RBFOX1: variants seen among roughly 807,000 people sequenced by gnomAD.
RBFOX1 encodes the protein RNA binding protein fox-1 homolog 1.
A neutral mutation model predicts 57.7 loss-of-function variants in RBFOX1; 8 were observed. That is an observed-to-expected ratio of 0.14 (90% CI 0.08 to 0.25). RBFOX1 has a LOEUF of 0.25. Ranked by LOEUF, RBFOX1 falls within the 10% of genes least tolerant of loss-of-function variation. The pLI, the probability that RBFOX1 is intolerant of heterozygous loss-of-function variation, is 1.00. For synonymous variants in RBFOX1, 326 were observed against 222.4 expected (o/e 1.47, Z -4.15); for missense variants, 611 against 548.5 (o/e 1.11, Z -1.14).
At chr16:7,446,989 T>C (rs1261469308) in intron 4 of RBFOX1, among the ~76,000 whole-genome samples, 2 of 151,552 alleles carry the variant, frequency 1.3e-5, no homozygotes, top group Non-Finnish European at 2.9e-5. Context: ...ATATTTTGTA[T>C]TTTTAGTAGA....
At chr16:7,028,968 C>T (rs1396047223) in intron 3 of RBFOX1, among the ~76,000 whole-genome samples, 1 of 146,910 alleles carries the variant, frequency 6.8e-6, no homozygotes, top group South Asian at 2.2e-4. Context: ...AGCAAGCATG[C>T]TGTTTGGAAG....
chr16:6,565,125 CCAAAAAAAAAA>C (rs1460979718), intron 2 of RBFOX1, among the ~76,000 whole-genome samples: 2 of 62,790 alleles, frequency 3.2e-5, no homozygotes, highest in African/African-American at 9.8e-5. Context: ...GACTCTGTCT[CCAAAAAAAAAA>C]AAAAAAAAGC....
chr16:6,991,507 T>C (rs1439259109), intron 3 of RBFOX1, among the ~76,000 whole-genome samples: 1 of 152,184 alleles, frequency 6.6e-6, no homozygotes, highest in African/African-American at 2.4e-5. Flanking sequence ...GTGATTATTA[T>C]CATCAACCCA....
chr16:6,115,414 A>G (rs1467379920), intron 1 of RBFOX1, among the ~76,000 whole-genome samples: 1 of 135,650 alleles, frequency 7.4e-6, no homozygotes, highest in African/African-American at 3.4e-5. Flanking sequence ...ATTTTATAAA[A>G]TAAAGTGAAT....
chr16:5,950,665 C>G (rs1426690545), intron 4 of RBFOX1, among the ~76,000 whole-genome samples: 1 of 152,228 alleles, frequency 6.6e-6, no homozygotes, highest in Non-Finnish European at 1.5e-5. Flanking sequence ...ACTTACCTGG[C>G]CAAGCTCTTC....
intron 3 of RBFOX1, among the ~76,000 whole-genome samples, chr16:6,787,582 T>G (rs1006162946): frequency 1.3e-5 from 2 of 152,182 alleles, no homozygotes; most frequent in African/African-American, 4.8e-5. Flanking sequence ...AAATCACCTG[T>G]GACACCCTTC....
intron 4 of RBFOX1, among the ~76,000 whole-genome samples, chr16:7,406,506 G>A (rs1057277764): frequency 6.6e-5 from 10 of 152,150 alleles, no homozygotes; most frequent in Admixed American, 5.2e-4. Flanking sequence ...ACCTACTTTC[G>A]AATCTTGCTT....
chr16:5,871,877 G>T (rs889034840), intron 4 of RBFOX1, among the ~76,000 whole-genome samples: 5 of 152,108 alleles, frequency 3.3e-5, no homozygotes, highest in African/African-American at 1.2e-4. Flanking sequence ...CAAAGCAATC[G>T]AACTGAGATT....
intron 3 of RBFOX1, among the ~76,000 whole-genome samples, chr16:5,806,544 C>T (rs1018481227): frequency 1.3e-5 from 2 of 152,314 alleles, no homozygotes; most frequent in Admixed American, 6.5e-5. Context: ...GAACTTTCAA[C>T]AGGAATTTTG....
At chr16:5,563,223 A>G (rs2151111797) in intron 2 of RBFOX1, among the ~76,000 whole-genome samples, 1 of 152,334 alleles carries the variant, frequency 6.6e-6, no homozygotes, top group South Asian at 2.1e-4. Flanking sequence ...TGTTGGGATT[A>G]CAGGCGTGAG....
chr16:6,662,138 GAA>G lies in RBFOX1; in HGVS notation c.-16+7495_-16+7496del, dbSNP rs35266816. Among the ~76,000 whole-genome samples, 91 of 148,940 alleles carry G rather than the reference GAA, an allele frequency of 6.1e-4. 1 individual carries two copies. The highest frequency in any genetic ancestry group is 2.1e-3 in the African/African-American group (86 of 40,356). On this transcript the variant is annotated intron_variant, in intron 3 of 15. Coordinates refer to ENST00000550418, the MANE Select transcript of RBFOX1 (RefSeq NM_018723.4). ...GGTTGCCGAGGGCTGGGGGCGGGGT[GAA>G]AAAAAAGGGAGGATCTTGGTCAAAG...
At chr16:6,916,026 T>A (rs8051175) in intron 3 of RBFOX1, among the ~76,000 whole-genome samples, 2,713 of 152,166 alleles carry the variant, frequency 0.018, 73 homozygotes, top group African/African-American at 0.06. Flanking sequence ...GACAGCTGTC[T>A]TGACTGGCAG....
chr16:6,574,823 G>A (rs1421384985), intron 2 of RBFOX1, among the ~76,000 whole-genome samples: 3 of 150,302 alleles, frequency 2.0e-5, no homozygotes, highest in African/African-American at 7.3e-5. Flanking sequence ...CGGATCACGA[G>A]GTCAGGCGAT....
At chr16:5,734,233 G>A (rs2151570682) in intron 3 of RBFOX1, among the ~76,000 whole-genome samples, 1 of 152,244 alleles carries the variant, frequency 6.6e-6, no homozygotes, top group Middle Eastern at 3.4e-3. Context: ...AGAGGCTGAG[G>A]TGGGAGTATC....
rs920007214 is a variant in RBFOX1 at position 6,023,331 on chromosome 16, C to T, written c.-127+3339C>T. ...TTTGAGCACAGGTCTTCTAGACATC[C>T]TCATGTCTCTGATGATTTTAGAAAA... On this transcript the variant is annotated intron_variant, in intron 1 of 15. Transcript: ENST00000550418. Among the ~76,000 whole-genome samples the T allele has an allele frequency of 4.0e-5, 6 of 151,898 alleles. No homozygotes were observed. The East Asian group carries it at 1.2e-3, about 29-fold the overall frequency.
chr16:5,627,624 T>C (rs12926199), intron 3 of RBFOX1, among the ~76,000 whole-genome samples: 24,804 of 152,096 alleles, frequency 0.16, 2,397 homozygotes, highest in East Asian at 0.29. Flanking sequence ...AAGAAGGGGA[T>C]TGATACCCCA....
chr16:5,586,127 C>A (rs935929160), intron 2 of RBFOX1, among the ~76,000 whole-genome samples: 1 of 152,146 alleles, frequency 6.6e-6, no homozygotes, highest in South Asian at 2.1e-4. Flanking sequence ...CAAGCCAAGG[C>A]ACCTTGAGGA....
intron 3 of RBFOX1, among the ~76,000 whole-genome samples, chr16:6,900,188 T>C (rs2068100606): frequency 6.6e-6 from 1 of 152,218 alleles, no homozygotes; most frequent in Non-Finnish European, 1.5e-5. Context: ...TGAGCCTGTG[T>C]GGTGAATTGG....
chr16:6,360,913 G>A (rs952911322), intron 2 of RBFOX1, among the ~76,000 whole-genome samples: 2 of 151,332 alleles, frequency 1.3e-5, no homozygotes, highest in African/African-American at 4.9e-5. Context: ...GCCGAAGACC[G>A]TTATCTTTAC....
Sources: allele counts gnomAD v4.1 joint callset (sites outside exome capture counted in the v4.1 genomes callset), GRCh38; gene constraint gnomAD v4.1.1; transcripts MANE v1.5; gene names NCBI Gene and HGNC (gene_info 2026-07-23, HGNC 2026-07-21).